Variants in ARHGAP11A observed in about 807,000 individuals in gnomAD.
ARHGAP11A encodes rho GTPase-activating protein 11A.
ARHGAP11A carries 36 observed loss-of-function variants against 60.5 expected under a neutral mutation model. The observed-to-expected ratio is 0.59, with a 90% CI of 0.46 to 0.79. ARHGAP11A has a LOEUF of 0.79. Ranked by LOEUF, ARHGAP11A falls within the 30% of genes least tolerant of loss-of-function variation. The probability of loss-of-function intolerance (pLI) is 0.00; values close to 1 mark genes in which losing one functional copy is unlikely to be tolerated. For synonymous variants in ARHGAP11A, 362 were observed against 415.5 expected (o/e 0.87, Z 1.57); for missense variants, 1,071 against 1,199.2 (o/e 0.89, Z 1.58).
In ARHGAP11A at chr15:32,637,317, G is replaced by T. The variant is rs1394275398; in HGVS notation, c.2544G>T (p.Leu848Phe). 1 of 1,614,196 alleles carries T rather than the reference G, an allele frequency of 6.2e-7. No individual in the cohort carries two copies. Among genetic ancestry groups the T allele is most frequent in the African/African-American group, 1.3e-5 (1 of 75,054 alleles). ...VRQSVRRINS[L>F]LEYSRQPTGH... is the part of the protein sequence containing the mutation. ...AGTCCGTCAGAAGAATTAATTCTTT[G>T]TTGGAGTATAGCAGACAACCTACAG... is the stretch of plus-strand genomic sequence containing the variant. Residue 848 changes from leucine to phenylalanine, a missense_variant, in exon 12 of 12, where the codon TTG becomes TTT. Coordinates refer to ENST00000361627, the MANE Select transcript of ARHGAP11A (RefSeq NM_014783.6).
Position 32,637,664 on chromosome 15 carries a change from A to T in ARHGAP11A, c.2891A>T (p.Asp964Val). The change falls in exon 12 of 12, where the codon GAT becomes GTT. Residue 964 changes from aspartate to valine, a missense_variant. This residue lies in a region of ARHGAP11A where 776 missense variants were observed against 760.2 expected (regional missense o/e 1.02). Transcript: ENST00000361627. ...SDGQVKVPLDDLTNHDIVKPV... is the reference protein window; with the variant it reads ...SDGQVKVPLDVLTNHDIVKPV... ...GGCCAAGTTAAGGTTCCCTTGGATG[A>T]TCTGACTAATCATGATATAGTAAAA... The T allele has an allele frequency of 6.2e-7, 1 of 1,614,230 alleles. No individual in the cohort carries two copies. The highest frequency in any genetic ancestry group is 8.5e-7 in the Non-Finnish European group (1 of 1,180,032).
Position 32,615,987 on chromosome 15 carries a change from C to T in ARHGAP11A, c.-225C>T, listed in dbSNP as rs1303819631. The T allele has an allele frequency of 5.0e-6, 3 of 596,358 alleles. No homozygotes were observed. The highest frequency in any genetic ancestry group is 5.7e-6 in the Non-Finnish European group (2 of 350,848). 36.9% of individuals were successfully genotyped at this position (596,358 alleles called of 1,614,324 possible). A position where few individuals can be genotyped will look rare whatever the true frequency, so the allele number is the denominator to read the frequency against. On this transcript the variant is annotated 5_prime_UTR_variant, in exon 1 of 12. Coordinates refer to ENST00000361627, the MANE Select transcript of ARHGAP11A (RefSeq NM_014783.6). Reference sequence around the variant, plus strand: ...TAAGTGAAGGAAGAGTGAGGTGTGGCTGGATCAAAGGGCTAAGAGAAGCGG... The same window carrying T: ...TAAGTGAAGGAAGAGTGAGGTGTGGTTGGATCAAAGGGCTAAGAGAAGCGG...
chr15:32,631,266 G>C (rs1434023492), intron 8 of ARHGAP11A, among the ~76,000 whole-genome samples: 3 of 151,036 alleles, frequency 2.0e-5, no homozygotes, highest in Non-Finnish European at 4.4e-5. Context: ...ACATTAGTCT[G>C]TAGTCCATAG....
chr15:32,635,674 T>A (rs1270994975), intron 10 of ARHGAP11A, 103 bp from the exon 11 acceptor site: 2 of 770,760 alleles, frequency 2.6e-6, no homozygotes, highest in East Asian at 6.5e-5. Context: ...TATCCCTTTT[T>A]AAATCAGCTA....
In ARHGAP11A at chr15:32,637,383, G is replaced by C. The variant is rs370429523; in HGVS notation, c.2610G>C (p.Leu870Phe). The change falls in exon 12 of 12, where the codon TTG becomes TTC. Residue 870 changes from leucine (L) to phenylalanine (F), a missense_variant. By Grantham distance (22) the Leu-to-Phe change is conservative. This residue lies in a region of ARHGAP11A where 776 missense variants were observed against 760.2 expected (regional missense o/e 1.02). Transcript: ENST00000361627. ...LASLGDTASP[L>F]VKSVSCDGAL... ...GTCTTGGTGATACAGCTTCTCCTTT[G>C]GTCAAATCAGTGAGCTGTGACGGTG... The C allele has an allele frequency of 1.2e-6, 2 of 1,613,988 alleles. No homozygotes were observed. The highest frequency in any genetic ancestry group is 2.7e-5 in the African/African-American group (2 of 74,898).
rs777733657 is a variant in ARHGAP11A at position 32,625,610 on chromosome 15, G to A, written c.839G>A (p.Arg280Lys). 3 of 1,613,970 alleles carry A rather than the reference G, an allele frequency of 1.9e-6. No individual in the cohort carries two copies. Among genetic ancestry groups the A allele is most frequent in the Non-Finnish European group, 2.5e-6 (3 of 1,179,842 alleles). The change falls in exon 6 of 12, where the codon AGA (arginine) becomes AAA (lysine). Residue 280 changes from arginine (R) to lysine (K), a missense_variant. Around this residue, in one of 4 missense-constraint regions of ARHGAP11A, gnomAD observed 196 missense variants for 272.1 expected, o/e 0.72. Coordinates refer to ENST00000361627, the MANE Select transcript of ARHGAP11A (RefSeq NM_014783.6). The part of the protein sequence containing the change: ...GEYETPGEYK[R>K]KRRQSVGDFV... Reference sequence around the variant, plus strand: ...TATGAAACTCCTGGTGAATATAAGAGAAAGAGAAGACAAAGTGTAGGAGGT... The same window carrying A: ...TATGAAACTCCTGGTGAATATAAGAAAAAGAGAAGACAAAGTGTAGGAGGT...
At chr15:32,616,995 T>G (rs1188142604) in intron 1 of ARHGAP11A, among the ~76,000 whole-genome samples, 1 of 151,872 alleles carries the variant, frequency 6.6e-6, no homozygotes, top group Non-Finnish European at 1.5e-5. Flanking sequence ...GAAGCCAGAG[T>G]GGAATAATTG....
intron 2 of ARHGAP11A, among the ~76,000 whole-genome samples, chr15:32,622,489 A>G (rs1318450249): frequency 1.3e-5 from 2 of 152,278 alleles, no homozygotes; most frequent in South Asian, 2.1e-4. Flanking sequence ...AGGAATCATG[A>G]CTATATCTTC....
intron 2 of ARHGAP11A, among the ~76,000 whole-genome samples, chr15:32,622,339 G>A (rs531033496): frequency 1.3e-5 from 2 of 152,282 alleles, no homozygotes; most frequent in Non-Finnish European, 2.9e-5. Flanking sequence ...GATCACTTGC[G>A]CCCAGGAGGC....
chr15:32,618,454 A>G (rs2053213891), intron 1 of ARHGAP11A, among the ~76,000 whole-genome samples: 1 of 152,268 alleles, frequency 6.6e-6, no homozygotes, highest in Non-Finnish European at 1.5e-5. Context: ...TAAAATGATG[A>G]TCATAATATT....
Position 32,625,527 on chromosome 15 carries a change from G to C in ARHGAP11A, c.756G>C (p.Met252Ile). The C allele has an allele frequency of 6.2e-7, 1 of 1,613,952 alleles. No individual in the cohort carries two copies. Among genetic ancestry groups the C allele is most frequent in the East Asian group, 2.2e-5 (1 of 44,872 alleles). The change falls in exon 6 of 12, where the codon ATG becomes ATC. Residue 252 changes from methionine (M) to isoleucine (I), a missense_variant. Met to Ile is a conservative substitution (Grantham distance 10, BLOSUM62 1). Around this residue, in one of 4 missense-constraint regions of ARHGAP11A, gnomAD observed 196 missense variants for 272.1 expected, o/e 0.72. Transcript: ENST00000361627. ...PDFILEKIPA[M>I]LGIDGLCATP... ...TTATCCTGGAAAAGATACCAGCCAT[G>C]TTGGGTATTGATGGTCTCTGTGCTA... is the stretch of plus-strand genomic sequence containing the variant.
At chr15:32,618,372 C>T (rs2053212029) in intron 1 of ARHGAP11A, among the ~76,000 whole-genome samples, 1 of 152,164 alleles carries the variant, frequency 6.6e-6, no homozygotes, top group African/African-American at 2.4e-5. Flanking sequence ...TTTGGCTGCA[C>T]AGTATCAAGA....
chr15:32,624,576 GA>G (rs2053414507), intron 4 of ARHGAP11A, 150 bp downstream of exon 4: 1 of 1,394,192 alleles, frequency 7.2e-7, no homozygotes, highest in Non-Finnish European at 9.6e-7. Flanking sequence ...TCCAATTTAA[GA>G]AACAGCATAC....
rs1452089303 is a variant in ARHGAP11A at position 32,615,746 on chromosome 15, A to G, written c.-466A>G. 1 of 154,536 alleles carries G rather than the reference A, an allele frequency of 6.5e-6. No homozygotes were observed. The highest frequency in any genetic ancestry group is 2.4e-5 in the African/African-American group (1 of 41,478). The allele number at this position is 154,536 out of a possible 1,614,324, so 9.6% of individuals were successfully genotyped here. A position where few individuals can be genotyped will look rare whatever the true frequency, so the allele number is the denominator to read the frequency against. On this transcript the variant is annotated 5_prime_UTR_variant, in exon 1 of 12. Transcript: ENST00000361627. ...CGGCGGCCAGGCTAGGGCGGGGGCG[A>G]GCGCCCAGTTGAGCCTGCTGGGGCT...
At chr15:32,627,935 A>G (rs1365085295) in intron 6 of ARHGAP11A, among the ~76,000 whole-genome samples, 1 of 150,554 alleles carries the variant, frequency 6.6e-6, no homozygotes, top group Non-Finnish European at 1.5e-5. Flanking sequence ...TCAGTCTCCC[A>G]AGTAGCTGGG....
In ARHGAP11A at chr15:32,636,958, C is replaced by T. The variant is rs1355384549; in HGVS notation, c.2185C>T (p.Pro729Ser). ...TGAAGAAATAAAGAAACAGCAGTCC[C>T]CAAAGGATAAACTAAATAATAAATT... ...SDEEIKKQQS[P>S]KDKLNNKLKE... Residue 729 changes from proline (P) to serine (S), a missense_variant, in exon 12 of 12, where the codon CCA becomes TCA. By Grantham distance (74) the Pro-to-Ser change is moderately conservative. Transcript: ENST00000361627. The T allele has an allele frequency of 1.2e-6, 2 of 1,610,352 alleles. No individual in the cohort carries two copies. The highest frequency in any genetic ancestry group is 1.7e-6 in the Non-Finnish European group (2 of 1,179,040).
In ARHGAP11A at chr15:32,618,291, C is replaced by T. The variant is rs1034173676; in HGVS notation, c.130-1817C>T. ...ATAATAAGACTTAAGGAAAAAAACA[C>T]GCTGAATTCTAGTTATATATAGCAG... On this transcript the variant is annotated intron_variant, in intron 1 of 11. Coordinates refer to ENST00000361627, the MANE Select transcript of ARHGAP11A (RefSeq NM_014783.6). Among the ~76,000 whole-genome samples the T allele has an allele frequency of 2.2e-4, 33 of 151,664 alleles. 1 individual carries two copies. The highest frequency in any genetic ancestry group is 7.7e-4 in the African/African-American group (32 of 41,354).
At chr15:32,633,814 T>C (rs1330894771) in intron 9 of ARHGAP11A, 119 bp from the exon 10 acceptor site, 4 of 627,108 alleles carry the variant, frequency 6.4e-6, no homozygotes, top group Non-Finnish European at 1.1e-5. Flanking sequence ...TAAAGAATTA[T>C]TAATCCATCC....
At chr15:32,625,449 G>C (rs767890252) in intron 5 of ARHGAP11A, 38 bp from the exon 6 acceptor site, 2 of 1,601,616 alleles carry the variant, frequency 1.2e-6, no homozygotes, top group Non-Finnish European at 1.7e-6. Context: ...AGTGGAGGAA[G>C]GATAATAATT....
Sources: gnomAD v4.1 joint callset for allele counts (sites outside exome capture counted in the v4.1 genomes callset) on GRCh38, gnomAD v4.1.1 for gene constraint, gnomAD v4.1.1 regional missense constraint, MANE v1.5 for transcripts, NCBI Gene and HGNC (gene_info 2026-07-23, HGNC 2026-07-21) for gene names.